DLGAP2: variants seen among roughly 807,000 people sequenced by gnomAD.
The protein encoded by DLGAP2 is disks large-associated protein 2.
In DLGAP2, 26 loss-of-function variants were observed where a neutral mutation model predicts 100.3. The observed-to-expected ratio is 0.26, with a 90% CI of 0.19 to 0.36. The LOEUF (loss-of-function observed/expected upper bound fraction) is 0.36, where lower values mean the gene tolerates loss of function less well. DLGAP2 is among the 10% of genes least tolerant of loss of function. DLGAP2 has a pLI of 1.00. For synonymous variants in DLGAP2, 886 were observed against 630.1 expected, an observed-to-expected ratio of 1.41 and a Z score of -6.08; for missense variants, 1,858 against 1,453.2, an observed-to-expected ratio of 1.28 and a Z score of -4.53.
intron 2 of DLGAP2, among the ~76,000 whole-genome samples, chr8:1,028,398 G>T (rs1479156571): frequency 2.0e-5 from 3 of 147,068 alleles, no homozygotes; most frequent in Admixed American, 2.0e-4. Context: ...TCCAGGTCGG[G>T]TGTCAGGCGC....
intron 2 of DLGAP2, among the ~76,000 whole-genome samples, chr8:921,454 G>C (rs887121956): frequency 7.9e-5 from 12 of 152,182 alleles, no homozygotes; most frequent in African/African-American, 2.9e-4. Context: ...CCCTATTGCA[G>C]TGTTGAGTGT....
chr8:1,022,716 A>G (rs11989646), intron 2 of DLGAP2, among the ~76,000 whole-genome samples: 7,073 of 141,330 alleles, frequency 0.05, 466 homozygotes, highest in African/African-American at 0.17. Flanking sequence ...GGGGGTGGAC[A>G]GTACCGTGCC....
At chr8:1,490,230 C>T (rs1043418103) in intron 3 of DLGAP2, among the ~76,000 whole-genome samples, 1 of 152,168 alleles carries the variant, frequency 6.6e-6, no homozygotes, top group Non-Finnish European at 1.5e-5. Flanking sequence ...TCACAACTTA[C>T]CCTGAAGTCA....
chr8:903,517 C>A (rs557425536), intron 1 of DLGAP2, among the ~76,000 whole-genome samples: 2 of 152,092 alleles, frequency 1.3e-5, no homozygotes, highest in Non-Finnish European at 1.5e-5. Context: ...CAGAATACAG[C>A]AGCTGCCAGT....
chr8:809,494 A>G (rs1796329346), intron 1 of DLGAP2, among the ~76,000 whole-genome samples: 1 of 149,780 alleles, frequency 6.7e-6, no homozygotes, highest in Non-Finnish European at 1.5e-5. Flanking sequence ...ATGCAGCCTG[A>G]TATCTTAGGC....
At chr8:1,576,295 G>T (rs546327273) in intron 6 of DLGAP2, among the ~76,000 whole-genome samples, 4 of 152,248 alleles carry the variant, frequency 2.6e-5, no homozygotes, top group African/African-American at 4.8e-5. Context: ...CATGTCCTTC[G>T]CCCACTTGTT....
At chr8:1,007,637 G>GC (rs1221871129) in intron 2 of DLGAP2, among the ~76,000 whole-genome samples, 8 of 131,120 alleles carry the variant, frequency 6.1e-5, no homozygotes, top group South Asian at 4.8e-4. Context: ...TTTTTTTTTG[G>GC]GGGGGGGATC....
chr8:979,070 G>A (rs771793768), intron 2 of DLGAP2, among the ~76,000 whole-genome samples: 1 of 152,096 alleles, frequency 6.6e-6, no homozygotes, highest in African/African-American at 2.4e-5. Flanking sequence ...CAGTCCGAAT[G>A]CTAGCCCTTG....
chr8:1,610,441 G>C (rs1177585822), intron 6 of DLGAP2, among the ~76,000 whole-genome samples: 1 of 149,664 alleles, frequency 6.7e-6, no homozygotes, highest in East Asian at 1.9e-4. Context: ...AAGCAGGAAA[G>C]ATCCAAAATT....
At chr8:1,245,880 G>A (rs1283319993) in intron 2 of DLGAP2, among the ~76,000 whole-genome samples, 1 of 152,188 alleles carries the variant, frequency 6.6e-6, no homozygotes, top group African/African-American at 2.4e-5. Context: ...TGGTGTGGTC[G>A]AGCACGAAGG....
intron 3 of DLGAP2, among the ~76,000 whole-genome samples, chr8:1,486,944 C>T (rs987287301): frequency 3.9e-5 from 6 of 152,238 alleles, no homozygotes; most frequent in Non-Finnish European, 5.9e-5. Flanking sequence ...AGACCAGCCA[C>T]GTGGGGAGGT....
intron 2 of DLGAP2, chr8:910,285 A>G (rs976311360): frequency 7.2e-5 from 11 of 152,204 alleles, no homozygotes; most frequent in African/African-American, 2.2e-4. Context: ...TACTCCATTA[A>G]CTTTATACAT....
At chr8:1,206,597 T>C (rs112543634) in intron 2 of DLGAP2, among the ~76,000 whole-genome samples, 1 of 83,636 alleles carries the variant, frequency 1.2e-5, no homozygotes. Context: ...GAGCAGTTAA[T>C]CTCCAGCCAT....
At chr8:1,176,605 G>T (rs374332118) in intron 2 of DLGAP2, among the ~76,000 whole-genome samples, 93,297 of 151,620 alleles carry the variant, frequency 0.62, 28,737 homozygotes, top group Admixed American at 0.67. Context: ...GCACGACAGG[G>T]GTCGTGTTTC....
intron 3 of DLGAP2, chr8:1,300,778 C>G (rs1388108545): frequency 6.6e-6 from 1 of 152,208 alleles, no homozygotes; most frequent in Non-Finnish European, 1.5e-5. Flanking sequence ...AGCACAGGAA[C>G]AGCGAGAGCG....
intron 2 of DLGAP2, chr8:1,248,451 G>A (rs796954084): frequency 5.7e-5 from 2 of 34,934 alleles, no homozygotes; most frequent in African/African-American, 9.7e-5. Context: ...ATCAGTGTGG[G>A]AGTGATGGCC....
intron 3 of DLGAP2, among the ~76,000 whole-genome samples, chr8:1,291,739 T>TG (rs1800064271): frequency 6.6e-6 from 1 of 152,134 alleles, no homozygotes; most frequent in Non-Finnish European, 1.5e-5. Flanking sequence ...CAGTGTGCTT[T>TG]GGACCCCAAC....
intron 2 of DLGAP2, among the ~76,000 whole-genome samples, chr8:1,177,150 C>T (rs551036350): frequency 1.4e-4 from 21 of 152,330 alleles, no homozygotes; most frequent in South Asian, 6.2e-4. Flanking sequence ...GACGCACGCA[C>T]GCCCAGCACC....
chr8:1,626,524 GCAGCAGGTGCTCA>G (rs1797504044), intron 6 of DLGAP2, among the ~76,000 whole-genome samples: 41 of 149,130 alleles, frequency 2.7e-4, no homozygotes, highest in African/African-American at 3.2e-4. Flanking sequence ...TCTCTACCCT[GCAGCAGGTGCTCA>G]GCCTCTGGGT....
Sources: gnomAD v4.1 joint callset for allele counts (sites outside exome capture counted in the v4.1 genomes callset) on GRCh38, gnomAD v4.1.1 for gene constraint, MANE v1.5 for transcripts, NCBI Gene and HGNC (gene_info 2026-07-23, HGNC 2026-07-21) for gene names.